NCAPD3: variants seen among roughly 807,000 people sequenced by gnomAD.
NCAPD3 encodes non-SMC condensin II complex subunit D3.
In NCAPD3, 105 loss-of-function variants were observed where a neutral mutation model predicts 182.9. The observed-to-expected ratio is 0.57, with a 90% confidence interval of 0.49 to 0.68. The LOEUF (loss-of-function observed/expected upper bound fraction) is 0.68. NCAPD3 is among the 30% of genes least tolerant of loss of function. The pLI is 0.00. For missense variants in NCAPD3, 1,944 were observed against 1,837.0 expected, an observed-to-expected ratio of 1.06 and a Z score of -1.07; for synonymous variants, 815 against 679.9, an observed-to-expected ratio of 1.20 and a Z score of -3.09.
intron 16 of NCAPD3, among the ~76,000 whole-genome samples, chr11:134,188,733 C>T (rs1944464585): frequency 6.6e-6 from 1 of 152,206 alleles, no homozygotes; most frequent in African/African-American, 2.4e-5. Flanking sequence ...GGAACAAACT[C>T]TGGACACACC....
rs1378754269 is a variant in NCAPD3, at chr11:134,168,007, GCTT to G, written c.3559_3561del (p.Lys1187del). 1.2e-6 allele frequency: 2 copies of G among 1,613,848 alleles called. No homozygotes were observed. The highest frequency in any genetic ancestry group is 2.2e-5 in the East Asian group (1 of 44,890). ...AGCAACACACTCACTTGTGAGATGAGCTTCTTCTGAGCTTCCTGCATGACTACA... is the reference window on the plus strand; with the variant it reads ...AGCAACACACTCACTTGTGAGATGAGCTTCTGAGCTTCCTGCATGACTACA... On this transcript the variant is annotated inframe_deletion, in exon 27 of 35. Transcript: ENST00000534548.
rs1937622426 is a variant in NCAPD3, at chr11:134,206,711, G to A, written c.904C>T (p.Gln302Ter). 1 of 1,608,544 alleles carries A rather than the reference G, an allele frequency of 6.2e-7. No individual in the cohort carries two copies. Among genetic ancestry groups the A allele is most frequent in the Admixed American group, 1.7e-5 (1 of 58,636 alleles). Residue 302 changes from glutamine to a stop codon, truncating the protein, a stop_gained, in exon 8 of 35, where the codon CAA becomes TAA. Transcript: ENST00000534548. LOFTEE classifies it high-confidence loss of function. Reference sequence around the variant, plus strand: ...AACATTAATATTACACTGAGCATTTGATGGAAAACACAACTGATGACCTAG... The same window carrying A: ...AACATTAATATTACACTGAGCATTTAATGGAAAACACAACTGATGACCTAG... Reference protein sequence around the residue: ...GDKVISCVFHQMLSVILMLEV... With the variant: ...GDKVISCVFH
intron 32 of NCAPD3, among the ~76,000 whole-genome samples, chr11:134,156,111 G>A (rs1484568624): frequency 1.3e-5 from 2 of 152,224 alleles, no homozygotes; most frequent in African/African-American, 4.8e-5. Flanking sequence ...TCAGGACTAG[G>A]AGACAGGCTG....
chr11:134,167,626 GGGCACAC>G (rs1943884939), intron 27 of NCAPD3, among the ~76,000 whole-genome samples: 2 of 114,698 alleles, frequency 1.7e-5, no homozygotes, highest in African/African-American at 3.6e-5. Context: ...CTTGGGGGAG[GGGCACAC>G]TAGTGAGATG....
intron 27 of NCAPD3, among the ~76,000 whole-genome samples, chr11:134,166,846 C>G (rs35268670): frequency 2.4e-5 from 2 of 83,222 alleles, no homozygotes; most frequent in Non-Finnish European, 2.4e-5. Context: ...TTGGGGGAGG[C>G]GCACACTCAT....
At chr11:134,159,208 T>C (rs1199796806) in intron 29 of NCAPD3, among the ~76,000 whole-genome samples, 1 of 152,234 alleles carries the variant, frequency 6.6e-6, no homozygotes, top group Non-Finnish European at 1.5e-5. Context: ...ATATGGTACC[T>C]CTACTTTTAG....
chr11:134,206,549 A>G, intron 8 of NCAPD3, 50 bp downstream of exon 8: 1 of 1,601,248 alleles, frequency 6.2e-7, no homozygotes. Context: ...CAGGGCCCAG[A>G]GTACTGAGGG....
chr11:134,225,335 C>T, upstream of NCAPD3: 1 of 1,613,778 alleles, frequency 6.2e-7, no homozygotes, highest in Non-Finnish European at 8.5e-7. Context: ...TCGAGTTCAT[C>T]GGGCAGATCG....
At chr11:134,193,983 C>A in intron 15 of NCAPD3, 33 bp downstream of exon 15, 1 of 1,573,990 alleles carries the variant, frequency 6.4e-7, no homozygotes, top group Non-Finnish European at 8.6e-7. Context: ...TGTAAAATAC[C>A]ATGCATTACA....
At chr11:134,224,112 G>C, upstream of NCAPD3, 1 of 702,472 alleles carries the variant, frequency 1.4e-6, no homozygotes, top group African/African-American at 1.8e-5. Flanking sequence ...CAGAGAACTG[G>C]GCGGGCCGAA....
At chr11:134,153,439 C>G in intron 32 of NCAPD3, 76 bp from the exon 33 acceptor site, 1 of 1,462,240 alleles carries the variant, frequency 6.8e-7, no homozygotes, top group South Asian at 1.1e-5. Context: ...GTCCGTGGGA[C>G]GTAGGCAGGG....
chr11:134,195,799 CTTATA>C (rs1054192838), intron 13 of NCAPD3, among the ~76,000 whole-genome samples: 1 of 152,076 alleles, frequency 6.6e-6, no homozygotes, highest in Non-Finnish European at 1.5e-5. Context: ...TCTCATCTGG[CTTATA>C]TTAAACAGGA....
chr11:134,159,285 C>A (rs1176921012), intron 29 of NCAPD3, among the ~76,000 whole-genome samples: 1 of 152,232 alleles, frequency 6.6e-6, no homozygotes, highest in Non-Finnish European at 1.5e-5. Context: ...CAACAGTGTA[C>A]AAGCCATTCC....
At chr11:134,191,805 A>G (rs542553164) in intron 16 of NCAPD3, among the ~76,000 whole-genome samples, 3 of 152,316 alleles carry the variant, frequency 2.0e-5, no homozygotes, top group African/African-American at 7.2e-5. Flanking sequence ...ATATCTGCAT[A>G]TACTTAATGA....
Position 134,185,528 on chromosome 11 carries a change from TG to T in NCAPD3, c.2046-3del. 6.4e-7 allele frequency: 1 copy of T among 1,569,516 alleles called. No individual in the cohort carries two copies. The highest frequency in any genetic ancestry group is 1.2e-5 in the South Asian group (1 of 84,388). Reference sequence around the variant, plus strand: ...TGAAAAGCCTTATTTAAATATCGGCTGGAAAAAAAAAAGATAGAAAAGCAGA... The same window carrying T: ...TGAAAAGCCTTATTTAAATATCGGCTGAAAAAAAAAAGATAGAAAAGCAGA... On this transcript the variant is annotated splice_polypyrimidine_tract_variant and splice_region_variant and intron_variant, in intron 16 of 34. Transcript: ENST00000534548.
intron 24 of NCAPD3, among the ~76,000 whole-genome samples, chr11:134,170,908 G>A (rs550479586): frequency 5.3e-5 from 8 of 152,324 alleles, no homozygotes; most frequent in Non-Finnish European, 7.4e-5. Context: ...TATTAAGAGG[G>A]CAAGTTTCAG....
At chr11:134,158,545 C>G (rs1943492519) in intron 29 of NCAPD3, 50 bp from the exon 30 acceptor site, 1 of 1,558,900 alleles carries the variant, frequency 6.4e-7, no homozygotes, top group African/African-American at 1.4e-5. Flanking sequence ...TTTAAGTTTT[C>G]AAAAACGGAT....
chr11:134,191,804 T>C (rs914799553), intron 16 of NCAPD3, among the ~76,000 whole-genome samples: 1 of 152,232 alleles, frequency 6.6e-6, no homozygotes, highest in Non-Finnish European at 1.5e-5. Flanking sequence ...AATATCTGCA[T>C]ATACTTAATG....
At chr11:134,177,718 A>C in intron 22 of NCAPD3, 1 of 460,784 alleles carries the variant, frequency 2.2e-6, no homozygotes, top group Non-Finnish European at 3.9e-6. Flanking sequence ...CTTCCTTTTA[A>C]AGTCAACATT....
Sources: allele counts gnomAD v4.1 joint callset (sites outside exome capture counted in the v4.1 genomes callset), GRCh38; gene constraint gnomAD v4.1.1; transcripts MANE v1.5; gene names NCBI Gene and HGNC (gene_info 2026-07-23, HGNC 2026-07-21).